Variants in APBA2 observed in about 807,000 individuals in gnomAD.
APBA2 encodes amyloid beta precursor protein binding family A member 2, also known as amyloid-beta A4 precursor protein-binding family A member 2.
APBA2 carries 30 observed loss-of-function variants against 75.0 expected under a neutral mutation model. The observed-to-expected ratio is 0.40, with a 90% CI of 0.30 to 0.54. The LOEUF (loss-of-function observed/expected upper bound fraction) is 0.54, where lower values mean the gene tolerates loss of function less well. Among genes scored for constraint, APBA2 ranks in the 20% least tolerant of loss-of-function variants. The probability of loss-of-function intolerance (pLI) is 0.49; values close to 1 mark genes in which losing one functional copy is unlikely to be tolerated. For synonymous variants in APBA2, 444 were observed against 409.6 expected (o/e 1.08, Z -1.01); for missense variants, 801 against 1,016.1 (o/e 0.79, Z 2.88).
At chr15:29,088,338 C>T (rs999479314) in intron 6 of APBA2, among the ~76,000 whole-genome samples, 3 of 152,116 alleles carry the variant, frequency 2.0e-5, no homozygotes, top group Admixed American at 1.3e-4. Flanking sequence ...GGTTCATTCC[C>T]AAATCTGTTT....
intron 9 of APBA2, among the ~76,000 whole-genome samples, chr15:29,100,889 G>A (rs1247551152): frequency 6.6e-6 from 1 of 152,200 alleles, no homozygotes; most frequent in Non-Finnish European, 1.5e-5. Context: ...ACGCCTCCCT[G>A]GGTTCTGCAC....
intron 7 of APBA2, 58 bp from the exon 8 acceptor site, chr15:29,094,220 C>T (rs2043730201): frequency 1.3e-6 from 2 of 1,584,768 alleles, no homozygotes. Context: ...GACATAACCT[C>T]ACGCACCTTC....
chr15:29,075,083 C>A, intron 5 of APBA2, 82 bp downstream of exon 5: 2 of 1,054,514 alleles, frequency 1.9e-6, no homozygotes, highest in Non-Finnish European at 2.9e-6. Context: ...GGTCTGCTCA[C>A]TTTGTCCATG....
intron 2 of APBA2, among the ~76,000 whole-genome samples, chr15:28,937,868 A>G (rs548480846): frequency 2.0e-5 from 3 of 152,268 alleles, no homozygotes; most frequent in Admixed American, 6.5e-5. Context: ...CGTGTTAGCC[A>G]GGATGGTCTC....
chr15:28,984,966 G>A (rs1037802903), intron 2 of APBA2, among the ~76,000 whole-genome samples: 31 of 150,672 alleles, frequency 2.1e-4, no homozygotes, highest in East Asian at 5.9e-4. Context: ...AACCACTGCC[G>A]TCTCTGGAGG....
At chr15:29,116,846 C>G (rs1457726189) in intron 14 of APBA2, among the ~76,000 whole-genome samples, 2 of 152,188 alleles carry the variant, frequency 1.3e-5, no homozygotes, top group African/African-American at 2.4e-5. Flanking sequence ...ATTGACTCCT[C>G]TGGAGCCAGG....
intron 2 of APBA2, among the ~76,000 whole-genome samples, chr15:28,960,540 G>A (rs993428563): frequency 6.6e-6 from 1 of 152,026 alleles, no homozygotes; most frequent in South Asian, 2.1e-4. Context: ...ACCCTCGCTG[G>A]TGGGTGGTCA....
intron 14 of APBA2, among the ~76,000 whole-genome samples, chr15:29,114,878 GGT>G (rs966222709): frequency 1.2e-4 from 12 of 97,090 alleles, no homozygotes; most frequent in African/African-American, 2.6e-4. Flanking sequence ...TGTGTGCAGG[GGT>G]GTGTGGCTGT....
intron 1 of APBA2, 96 bp downstream of exon 1, chr15:28,886,374 G>C (rs2031721856): frequency 6.6e-6 from 1 of 151,562 alleles, no homozygotes; most frequent in South Asian, 2.1e-4. Flanking sequence ...GGGGCGGCGC[G>C]GAGGTTGCGG....
At chr15:29,079,922 C>T (rs1461183324) in intron 6 of APBA2, among the ~76,000 whole-genome samples, 2 of 152,180 alleles carry the variant, frequency 1.3e-5, no homozygotes, top group Admixed American at 6.5e-5. Flanking sequence ...TATTTCATGT[C>T]GCCTGGTCAA....
intron 3 of APBA2, among the ~76,000 whole-genome samples, chr15:29,032,246 C>G (rs1006935187): frequency 6.6e-6 from 1 of 152,226 alleles, no homozygotes; most frequent in African/African-American, 2.4e-5. Flanking sequence ...AAACACCAGT[C>G]TGGATGTTGC....
chr15:28,891,829 T>A (rs867492203), intron 1 of APBA2, among the ~76,000 whole-genome samples: 83 of 152,308 alleles, frequency 5.4e-4, no homozygotes, highest in African/African-American at 1.9e-3. Flanking sequence ...TTTTGGGGAA[T>A]GATAGCATAT....
At chr15:28,936,607 T>G (rs971568628) in intron 2 of APBA2, among the ~76,000 whole-genome samples, 1 of 152,232 alleles carries the variant, frequency 6.6e-6, no homozygotes, top group African/African-American at 2.4e-5. Flanking sequence ...GTGTCTCCTT[T>G]GTTCCTCTCT....
intron 3 of APBA2, among the ~76,000 whole-genome samples, chr15:29,016,975 G>C (rs943602225): frequency 3.3e-5 from 5 of 152,130 alleles, no homozygotes; most frequent in Non-Finnish European, 7.3e-5. Context: ...TAAGAAAGCT[G>C]ATCAAAATAA....
chr15:29,104,082 A>G (rs1292453869), intron 10 of APBA2, among the ~76,000 whole-genome samples: 1 of 152,224 alleles, frequency 6.6e-6, no homozygotes, highest in African/African-American at 2.4e-5. Flanking sequence ...GCGCGCTTCT[A>G]ATCCGGCCCA....
At chr15:28,906,000 T>G (rs1015393197) in intron 1 of APBA2, among the ~76,000 whole-genome samples, 2 of 152,128 alleles carry the variant, frequency 1.3e-5, no homozygotes, top group African/African-American at 4.8e-5. Flanking sequence ...TATTCACAAT[T>G]TGGTGGAGAC....
intron 1 of APBA2, among the ~76,000 whole-genome samples, chr15:28,906,455 G>A (rs141007794): frequency 0.022 from 3,313 of 152,250 alleles, 118 homozygotes; most frequent in African/African-American, 0.069. Flanking sequence ...GTGGAGTCTC[G>A]TACATTAAAC....
At chr15:29,068,147 G>T (rs1294131869) in intron 4 of APBA2, among the ~76,000 whole-genome samples, 2 of 152,236 alleles carry the variant, frequency 1.3e-5, no homozygotes, top group African/African-American at 4.8e-5. Flanking sequence ...GGAGGTCACA[G>T]GTCAAGCCTT....
At chr15:29,103,786 A>C (rs1020132405) in intron 10 of APBA2, among the ~76,000 whole-genome samples, 1 of 152,202 alleles carries the variant, frequency 6.6e-6, no homozygotes, top group Non-Finnish European at 1.5e-5. Flanking sequence ...TGGCCTCGTC[A>C]GGCGGAGACA....
Sources: allele counts gnomAD v4.1 joint callset (sites outside exome capture counted in the v4.1 genomes callset), GRCh38; gene constraint gnomAD v4.1.1; transcripts MANE v1.5; gene names NCBI Gene and HGNC (gene_info 2026-07-23, HGNC 2026-07-21).